The following LRBA variants were observed in gnomAD, a reference collection of about 807,000 sequenced individuals.
LRBA encodes lipopolysaccharide-responsive and beige-like anchor protein.
Under a neutral mutation model 330.0 loss-of-function variants are expected in LRBA, and 176 were observed. That is an observed-to-expected ratio of 0.53 (90% CI 0.47 to 0.60). The LOEUF is 0.60. Among genes scored for constraint, LRBA ranks in the 20% least tolerant of loss-of-function variants. The probability of loss-of-function intolerance (pLI) is 0.00; values close to 1 mark genes in which losing one functional copy is unlikely to be tolerated. For synonymous variants in LRBA, 1,230 were observed against 1,193.0 expected, an observed-to-expected ratio of 1.03 and a Z score of -0.64; for missense variants, 3,259 against 3,444.8, an observed-to-expected ratio of 0.95 and a Z score of 1.35.
intron 9 of LRBA, among the ~76,000 whole-genome samples, chr4:150,909,792 T>A (rs1266191342): frequency 6.6e-6 from 1 of 152,150 alleles, no homozygotes; most frequent in Non-Finnish European, 1.5e-5. Context: ...TGCACAAAGG[T>A]ACCAATTTCT....
At chr4:150,835,056 T>C (rs1747813615) in intron 28 of LRBA, among the ~76,000 whole-genome samples, 1 of 152,200 alleles carries the variant, frequency 6.6e-6, no homozygotes, top group African/African-American at 2.4e-5. Context: ...ATTTATTAAA[T>C]AGGGAATCCT....
chr4:150,456,796 G>A lies in LRBA; in HGVS notation c.6780+10877C>T, dbSNP rs575109170. Among the ~76,000 whole-genome samples, 3 of 152,194 alleles carry A rather than the reference G, an allele frequency of 2.0e-5. No homozygotes were observed. In the East Asian group the frequency reaches 5.8e-4, roughly 29 times the overall value. On this transcript the variant is annotated intron_variant, in intron 44 of 56. Transcript: ENST00000651943. ...TTCCCCAATGTTTTCTTGTTTCACA[G>A]TTTGAGTTCTTAGATTCAAGTCTTT...
chr4:150,778,868 T>C (rs1737785815), intron 34 of LRBA, among the ~76,000 whole-genome samples: 2 of 152,290 alleles, frequency 1.3e-5, no homozygotes, highest in South Asian at 4.1e-4. Flanking sequence ...AAGCTTGCAC[T>C]GAAATTACAA....
chr4:150,603,786 C>T, intron 37 of LRBA, among the ~76,000 whole-genome samples: 1 of 152,164 alleles, frequency 6.6e-6, no homozygotes, highest in Non-Finnish European at 1.5e-5. Context: ...AGACACAAGC[C>T]ACTGAGCTTG....
At chr4:150,510,274 A>T (rs1187197678) in intron 40 of LRBA, among the ~76,000 whole-genome samples, 1 of 152,164 alleles carries the variant, frequency 6.6e-6, no homozygotes, top group Admixed American at 6.5e-5. Flanking sequence ...GGCTCAGCAG[A>T]CTACACTGGT....
In LRBA at chr4:150,491,009, A is replaced by G. The variant is rs1171090514; in HGVS notation, c.6357T>C (p.His2119=). Residue 2119 remains histidine, a synonymous_variant, in exon 41 of 57, where the codon CAT becomes CAC. Coordinates refer to ENST00000651943, the MANE Select transcript of LRBA (RefSeq NM_001364905.1). ...PKILAYTEGL[H]GKWLFTEIRS... ...GTATCTCTGTGAACAGCCATTTTCC[A>G]TGCAGCCCTTCTGTATATGCCAAGA... 6.2e-7 allele frequency: 1 copy of G among 1,605,836 alleles called. No homozygotes were observed. The highest frequency in any genetic ancestry group is 1.1e-5 in the South Asian group (1 of 89,772).
chr4:150,928,637 T>C (rs772703102), intron 3 of LRBA, 21 bp from the exon 4 acceptor site: 137 of 1,559,370 alleles, frequency 8.8e-5, no homozygotes, highest in Middle Eastern at 1.7e-4. Flanking sequence ...AAGAAAACGA[T>C]AAAATAACTC....
At chr4:150,940,318 C>A in intron 2 of LRBA, among the ~76,000 whole-genome samples, 1 of 152,024 alleles carries the variant, frequency 6.6e-6, no homozygotes, top group East Asian at 1.9e-4. Context: ...AAGAGGACTG[C>A]CTGAGCCCAG....
At chr4:150,455,126 AC>A (rs1753896834) in intron 44 of LRBA, among the ~76,000 whole-genome samples, 1 of 47,558 alleles carries the variant, frequency 2.1e-5, no homozygotes, top group Non-Finnish European at 4.2e-5. Context: ...CCCCTCCCCC[AC>A]CCCCACCCCA....
chr4:150,933,467 T>G (rs760345293), intron 2 of LRBA, among the ~76,000 whole-genome samples: 2 of 151,490 alleles, frequency 1.3e-5, no homozygotes, highest in Non-Finnish European at 2.9e-5. Context: ...TATGAAAAGA[T>G]CTCTAAGATA....
chr4:150,500,301 G>A (rs372870861), intron 40 of LRBA, among the ~76,000 whole-genome samples: 1 of 151,680 alleles, frequency 6.6e-6, no homozygotes, highest in African/African-American at 2.4e-5. Flanking sequence ...TGGGCTGGGC[G>A]CCGGGGCTTA....
chr4:151,003,231 C>T lies in LRBA; in HGVS notation c.216+11196G>A, dbSNP rs991848252. Among the ~76,000 whole-genome samples, 7 of 151,726 alleles carry T rather than the reference C, an allele frequency of 4.6e-5. No individual in the cohort carries two copies. The South Asian group carries it at 8.3e-4, about 18-fold the overall frequency. The stretch of plus-strand genomic sequence containing the variant: ...CCAACATGGTGAAACCCCATTTCCA[C>T]TAAAAACACAAAAAAATTAGTCAGG... On this transcript the variant is annotated intron_variant, in intron 2 of 56. Coordinates refer to ENST00000651943, the MANE Select transcript of LRBA (RefSeq NM_001364905.1).
chr4:150,631,351 A>G (rs1265767854), intron 37 of LRBA, among the ~76,000 whole-genome samples: 1 of 152,146 alleles, frequency 6.6e-6, no homozygotes, highest in African/African-American at 2.4e-5. Context: ...CAAAAAAGGG[A>G]CTTGTTTCTC....
intron 40 of LRBA, chr4:150,582,833 C>T (rs1053164724): frequency 3.8e-6 from 2 of 529,278 alleles, no homozygotes; most frequent in African/African-American, 1.9e-5. Context: ...AAAGAGGTTT[C>T]GAAAGAGGGA....
intron 56 of LRBA, among the ~76,000 whole-genome samples, chr4:150,276,987 C>T (rs146433072): frequency 6.6e-6 from 1 of 152,100 alleles, no homozygotes; most frequent in Non-Finnish European, 1.5e-5. Flanking sequence ...ATGTTTATTG[C>T]GGCACTATTC....
At chr4:150,372,644 T>C (rs1740541644) in intron 47 of LRBA, among the ~76,000 whole-genome samples, 1 of 149,548 alleles carries the variant, frequency 6.7e-6, no homozygotes, top group South Asian at 2.1e-4. Context: ...TTTTGAAATC[T>C]TGGGCAATAC....
chr4:150,527,953 TC>T (rs1265279643), intron 40 of LRBA, among the ~76,000 whole-genome samples: 1 of 152,206 alleles, frequency 6.6e-6, no homozygotes, highest in Admixed American at 6.5e-5. Flanking sequence ...AGCAATGATT[TC>T]CCATTGGTTC....
chr4:150,920,127 A>G (rs557197163), intron 5 of LRBA, among the ~76,000 whole-genome samples: 1 of 152,372 alleles, frequency 6.6e-6, no homozygotes, highest in South Asian at 2.1e-4. Flanking sequence ...ATATTAAAAC[A>G]TATTCTTATC....
At chr4:150,932,959 T>C (rs1734671602) in intron 2 of LRBA, among the ~76,000 whole-genome samples, 1 of 151,982 alleles carries the variant, frequency 6.6e-6, no homozygotes, top group South Asian at 2.1e-4. Flanking sequence ...TTTGGTAATA[T>C]CTATCAAAAT....
Sources: allele counts gnomAD v4.1 joint callset (sites outside exome capture counted in the v4.1 genomes callset), GRCh38; gene constraint gnomAD v4.1.1; transcripts MANE v1.5; gene names NCBI Gene and HGNC (gene_info 2026-07-23, HGNC 2026-07-21).